RAD54B: variants seen among roughly 807,000 people sequenced by gnomAD.
The protein encoded by RAD54B is RAD54 homolog B, also known as DNA repair and recombination protein RAD54B.
In RAD54B, 78 loss-of-function variants were observed where a neutral mutation model predicts 95.8. That is an observed-to-expected ratio of 0.81 (90% CI 0.68 to 0.98). The LOEUF (loss-of-function observed/expected upper bound fraction) is 0.98, where lower values mean the gene tolerates loss of function less well. Ranked by LOEUF, RAD54B falls within the 50% of genes least tolerant of loss-of-function variation. The pLI is 0.00. For missense variants in RAD54B, 957 were observed against 1,056.6 expected (o/e 0.91, Z 1.31); for synonymous variants, 328 against 354.9 (o/e 0.92, Z 0.85).
Position 94,378,236 on chromosome 8 carries a change from T to C in RAD54B, c.2459A>G (p.Asp820Gly), listed in dbSNP as rs778447402. The change falls in exon 14 of 15, where the codon GAT becomes GGT. Residue 820 changes from aspartate (D) to glycine (G), a missense_variant. Asp to Gly is a moderately conservative substitution (Grantham distance 94). Transcript: ENST00000336148. ...GTCAAGCAGATCATGAGTAACACAA[T>C]CTGAACTTTCATGTAATGTGAACAA... is the stretch of plus-strand genomic sequence containing the variant. Reference protein sequence around the residue: ...KNLFTLHESSDCVTHDLLDCE... With the variant: ...KNLFTLHESSGCVTHDLLDCE... 2.5e-6 allele frequency: 4 copies of C among 1,613,150 alleles called. No homozygotes were observed. Among genetic ancestry groups the C allele is most frequent in the Non-Finnish European group, 3.4e-6 (4 of 1,179,688 alleles).
intron 2 of RAD54B, among the ~76,000 whole-genome samples, chr8:94,464,492 G>A (rs1208700313): frequency 6.6e-6 from 1 of 152,192 alleles, no homozygotes; most frequent in African/African-American, 2.4e-5. Context: ...CATTTGTGTT[G>A]TTTTAAGCCA....
At position 94,378,733 on chromosome 8, in the gene RAD54B, A is replaced by G. The variant is rs369247947; in HGVS notation, c.2248-99T>C. On this transcript the variant is annotated intron_variant, in intron 12 of 14. Coordinates refer to ENST00000336148, the MANE Select transcript of RAD54B (RefSeq NM_012415.3). Reference sequence around the variant, plus strand: ...AATATGTTTTAAAATTCGGAATTCTATATTTTACATACAGCTTCAGAAAAC... The same window carrying G: ...AATATGTTTTAAAATTCGGAATTCTGTATTTTACATACAGCTTCAGAAAAC... The G allele has an allele frequency of 6.3e-5, 49 of 771,936 alleles. No individual in the cohort carries two copies. In the East Asian group the frequency reaches 9.7e-4, roughly 15 times the overall value. 47.8% of individuals were successfully genotyped at this position (771,936 alleles called of 1,614,324 possible). A position where few individuals can be genotyped will look rare whatever the true frequency, so the allele number is the denominator to read the frequency against.
At chr8:94,417,489 A>G (rs1274570757) in intron 3 of RAD54B, among the ~76,000 whole-genome samples, 1 of 152,078 alleles carries the variant, frequency 6.6e-6, no homozygotes, top group African/African-American at 2.4e-5. Context: ...TTAAAAAAAA[A>G]AAAAAACTGA....
At chr8:94,406,497 T>C (rs1212762575) in intron 5 of RAD54B, among the ~76,000 whole-genome samples, 2 of 152,178 alleles carry the variant, frequency 1.3e-5, no homozygotes, top group Non-Finnish European at 2.9e-5. Flanking sequence ...GATAAGCTAA[T>C]ATAGAACTCA....
chr8:94,460,338 G>A (rs1218717725), intron 2 of RAD54B, among the ~76,000 whole-genome samples: 2 of 152,108 alleles, frequency 1.3e-5, no homozygotes, highest in South Asian at 2.1e-4. Flanking sequence ...AGGCACAGTG[G>A]TGTGTTCCAA....
At position 94,467,385 on chromosome 8, in the gene RAD54B, TGA is replaced by T. The variant is rs1227338043; in HGVS notation, c.135+18_135+19del. ...ATGCTTCTCTATATTATCTATATCA[TGA>T]GTCTTTTTTTGCCTTACCTCAAATA... is the stretch of plus-strand genomic sequence containing the variant. On this transcript the variant is annotated intron_variant, in intron 2 of 14. Transcript: ENST00000336148. 6.3e-7 allele frequency: 1 copy of T among 1,581,142 alleles called. No individual in the cohort carries two copies. Among genetic ancestry groups the T allele is most frequent in the South Asian group, 1.1e-5 (1 of 87,768 alleles).
At chr8:94,421,855 G>A (rs539277191) in intron 3 of RAD54B, among the ~76,000 whole-genome samples, 14 of 152,176 alleles carry the variant, frequency 9.2e-5, no homozygotes, top group Non-Finnish European at 2.1e-4. Flanking sequence ...TACTGACAGC[G>A]TCTTTTGCCA....
intron 5 of RAD54B, among the ~76,000 whole-genome samples, chr8:94,405,021 C>G (rs1183025829): frequency 6.6e-6 from 1 of 152,038 alleles, no homozygotes; most frequent in Non-Finnish European, 1.5e-5. Flanking sequence ...ACCATGTTAG[C>G]CAGGCTGGTC....
intron 9 of RAD54B, 62 bp downstream of exon 9, chr8:94,393,681 T>C: frequency 7.1e-7 from 1 of 1,416,770 alleles, no homozygotes; most frequent in Non-Finnish European, 9.7e-7. Flanking sequence ...TAATATGAAG[T>C]TATGGATGAT....
intron 10 of RAD54B, among the ~76,000 whole-genome samples, chr8:94,388,167 G>A (rs2381793): frequency 2.0e-5 from 3 of 151,926 alleles, no homozygotes; most frequent in Non-Finnish European, 2.9e-5. Flanking sequence ...TTTGAACTAC[G>A]CAAGTCTACT....
intron 8 of RAD54B, among the ~76,000 whole-genome samples, chr8:94,397,886 AT>A (rs569035597): frequency 7.4e-5 from 11 of 148,936 alleles, no homozygotes; most frequent in Non-Finnish European, 1.0e-4. Flanking sequence ...CAGCTAACTC[AT>A]TTTTTTTTTC....
chr8:94,457,151 C>T (rs1320939271), intron 3 of RAD54B, among the ~76,000 whole-genome samples: 1 of 152,142 alleles, frequency 6.6e-6, no homozygotes, highest in East Asian at 1.9e-4. Context: ...ATACATGGAT[C>T]ATTTTCTACC....
intron 11 of RAD54B, among the ~76,000 whole-genome samples, chr8:94,385,974 G>C (rs1322307954): frequency 6.6e-6 from 1 of 152,118 alleles, no homozygotes; most frequent in Non-Finnish European, 1.5e-5. Flanking sequence ...ATGTGCTAAA[G>C]AATTTAGAAA....
intron 3 of RAD54B, among the ~76,000 whole-genome samples, chr8:94,411,706 G>A (rs1811533233): frequency 6.6e-6 from 1 of 151,902 alleles, no homozygotes; most frequent in Admixed American, 6.6e-5. Flanking sequence ...GCTGAGGAAA[G>A]GCAAAGATTA....
chr8:94,467,651 A>G lies in RAD54B; in HGVS notation c.-16-96T>C, dbSNP rs3099398. 587,816 of 1,273,202 alleles carry G rather than the reference A, an allele frequency of 0.46. 144,701 individuals carry two copies. The highest frequency in any genetic ancestry group is 0.8 in the East Asian group (33,636 of 42,090). 78.9% of individuals were successfully genotyped at this position (1,273,202 alleles called of 1,614,324 possible). ...CAAAACTACAACTAAGATGGAACAG[A>G]AACCCCTCTTATGGGCCTGCCTGGC... On this transcript the variant is annotated intron_variant, in intron 1 of 14. Transcript: ENST00000336148.
chr8:94,434,296 C>T (rs1292551059), intron 3 of RAD54B, among the ~76,000 whole-genome samples: 1 of 151,752 alleles, frequency 6.6e-6, no homozygotes, highest in East Asian at 1.9e-4. Flanking sequence ...TGGAACATTC[C>T]TTTCCATTTT....
chr8:94,427,151 A>G (rs1183009734), intron 3 of RAD54B, among the ~76,000 whole-genome samples: 2 of 152,088 alleles, frequency 1.3e-5, no homozygotes. Context: ...CATAAATTTT[A>G]AAACAAAAAA....
intron 5 of RAD54B, among the ~76,000 whole-genome samples, chr8:94,406,144 GTA>G (rs1346844072): frequency 6.6e-6 from 1 of 151,868 alleles, no homozygotes; most frequent in Non-Finnish European, 1.5e-5. Flanking sequence ...CCTGGAAAGA[GTA>G]TATACTAGAC....
chr8:94,384,160 G>A (rs918062092), intron 11 of RAD54B, among the ~76,000 whole-genome samples: 1 of 151,418 alleles, frequency 6.6e-6, no homozygotes, highest in Non-Finnish European at 1.5e-5. Context: ...TAAAAAAAAA[G>A]AATTCAAAGC....
Sources: gnomAD v4.1 joint callset for allele counts (sites outside exome capture counted in the v4.1 genomes callset) on GRCh38, gnomAD v4.1.1 for gene constraint, MANE v1.5 for transcripts, NCBI Gene and HGNC (gene_info 2026-07-23, HGNC 2026-07-21) for gene names.